The following AP2B1 variants were observed in gnomAD, a reference collection of about 807,000 sequenced individuals.
AP2B1 encodes adaptor related protein complex 2 subunit beta 1.
AP2B1 carries 23 observed loss-of-function variants against 102.0 expected under a neutral mutation model. That is an observed-to-expected ratio of 0.23 (90% CI 0.16 to 0.32). The LOEUF (loss-of-function observed/expected upper bound fraction) is 0.32. Ranked by LOEUF, AP2B1 falls within the 10% of genes least tolerant of loss-of-function variation. The pLI is 1.00. For missense variants in AP2B1, 541 were observed against 1,157.4 expected, an observed-to-expected ratio of 0.47 and a Z score of 7.73; for synonymous variants, 381 against 421.2, an observed-to-expected ratio of 0.90 and a Z score of 1.17.
At position 35,723,818 on chromosome 17, in the gene AP2B1, GTAACTAGTC is replaced by G. The variant is rs1320858267; in HGVS notation, c.*124_*132del. On this transcript the variant is annotated 3_prime_UTR_variant, in exon 22 of 22. Coordinates refer to ENST00000610402, the MANE Select transcript of AP2B1 (RefSeq NM_001030006.2). ...CACACTGAGGCCACCTAGCAAGGTA[GTAACTAGTC>G]TAACCTGTGCTAACATTAGGGCACA... is the stretch of plus-strand genomic sequence containing the variant. 2 of 724,912 alleles carry G rather than the reference GTAACTAGTC, an allele frequency of 2.8e-6. No individual in the cohort carries two copies. The highest frequency in any genetic ancestry group is 5.0e-5 in the East Asian group (2 of 40,192). The allele number at this position is 724,912 out of a possible 1,614,324, so 44.9% of individuals were successfully genotyped here. A position where few individuals can be genotyped will look rare whatever the true frequency, so the allele number is the denominator to read the frequency against.
intron 14 of AP2B1, among the ~76,000 whole-genome samples, chr17:35,662,653 A>T (rs921418834): frequency 2.7e-5 from 4 of 150,602 alleles, no homozygotes; most frequent in Admixed American, 6.6e-5. Flanking sequence ...AGGTGACCTG[A>T]TGCCCATGTG....
intron 3 of AP2B1, among the ~76,000 whole-genome samples, chr17:35,598,682 CATG>C (rs1456055634): frequency 2.0e-5 from 3 of 152,216 alleles, no homozygotes; most frequent in African/African-American, 7.2e-5. Flanking sequence ...CATAAGTTCA[CATG>C]ATCTTTAACT....
chr17:35,664,349 G>A (rs563110758), intron 14 of AP2B1, among the ~76,000 whole-genome samples: 1 of 152,268 alleles, frequency 6.6e-6, no homozygotes, highest in East Asian at 1.9e-4. Context: ...AAACTCCTGA[G>A]CTCAAGTGAT....
intron 15 of AP2B1, 127 bp from the exon 16 acceptor site, chr17:35,671,627 T>C: frequency 1.0e-6 from 1 of 967,686 alleles, no homozygotes; most frequent in South Asian, 1.6e-5. Flanking sequence ...ATTTGACTCC[T>C]AAGAATATTG....
chr17:35,660,707 C>A (rs762989503), intron 14 of AP2B1, among the ~76,000 whole-genome samples: 5 of 152,116 alleles, frequency 3.3e-5, no homozygotes, highest in Non-Finnish European at 5.9e-5. Context: ...TGGTCTCGAA[C>A]TCCTGAACTC....
chr17:35,614,717 A>G (rs1472122330), intron 5 of AP2B1, among the ~76,000 whole-genome samples: 2 of 151,846 alleles, frequency 1.3e-5, no homozygotes, highest in Middle Eastern at 3.2e-3. Context: ...CATAAGCAGC[A>G]TGCTCTCAGA....
chr17:35,609,478 C>A (rs1211613666), intron 5 of AP2B1, among the ~76,000 whole-genome samples: 2 of 151,998 alleles, frequency 1.3e-5, no homozygotes, highest in Admixed American at 1.3e-4. Context: ...TTTTGAGTAG[C>A]TGGGACTACA....
Position 35,587,398 on chromosome 17 carries a change from A to AC in AP2B1, c.-49dup. The AC allele has an allele frequency of 6.5e-6, 1 of 153,272 alleles. No homozygotes were observed. The highest frequency in any genetic ancestry group is 1.4e-5 in the Non-Finnish European group (1 of 68,972). The allele number at this position is 153,272 out of a possible 1,614,324, so 9.5% of individuals were successfully genotyped here. ...GCTGTGCTCTCCGGCTCCCGCCGCC[A>AC]CCCCCGCCCTCGCCTTCGCCTCCGC... is the stretch of plus-strand genomic sequence containing the variant. On this transcript the variant is annotated 5_prime_UTR_variant, in exon 1 of 22. Transcript: ENST00000610402.
chr17:35,665,136 T>C (rs1313789326), intron 14 of AP2B1, among the ~76,000 whole-genome samples: 1 of 148,984 alleles, frequency 6.7e-6, no homozygotes. Context: ...CTTTTTTTTT[T>C]TTTTTTTTGA....
chr17:35,658,344 CT>C (rs948840353), intron 14 of AP2B1, among the ~76,000 whole-genome samples: 1 of 129,814 alleles, frequency 7.7e-6, no homozygotes, highest in African/African-American at 2.9e-5. Context: ...TTGATTGGTT[CT>C]TTTTTTCCCT....
intron 9 of AP2B1, among the ~76,000 whole-genome samples, chr17:35,633,392 TG>T (rs2074518863): frequency 6.6e-6 from 1 of 151,280 alleles, no homozygotes; most frequent in African/African-American, 2.4e-5. Flanking sequence ...AATCATTTCA[TG>T]GTACAACAGA....
chr17:35,712,801 T>C (rs1598352162), intron 20 of AP2B1, among the ~76,000 whole-genome samples: 1 of 152,344 alleles, frequency 6.6e-6, no homozygotes, highest in East Asian at 1.9e-4. Flanking sequence ...CAGTGTTAAC[T>C]GAACTTATTT....
chr17:35,598,228 A>C lies in AP2B1; in HGVS notation c.38-2A>C. 1 of 1,607,534 alleles carries C rather than the reference A, an allele frequency of 6.2e-7. No homozygotes were observed. Among genetic ancestry groups the C allele is most frequent in the South Asian group, 1.1e-5 (1 of 90,836 alleles). ...TTACCAGTTTGCTCTCATCTCTTGC[A>C]GGAGAAATATTTGAACTAAAAGCTG... is the stretch of plus-strand genomic sequence containing the variant. On this transcript the variant is annotated splice_acceptor_variant, in intron 2 of 21. Coordinates refer to ENST00000610402, the MANE Select transcript of AP2B1 (RefSeq NM_001030006.2). LOFTEE classifies it high-confidence loss of function.
intron 5 of AP2B1, among the ~76,000 whole-genome samples, chr17:35,622,000 A>G (rs1182861712): frequency 6.6e-6 from 1 of 152,196 alleles, no homozygotes; most frequent in Admixed American, 6.5e-5. Flanking sequence ...TGATATTTTG[A>G]TTCTTTAGAC....
chr17:35,640,871 G>T (rs1212768155), intron 11 of AP2B1, among the ~76,000 whole-genome samples: 1 of 152,116 alleles, frequency 6.6e-6, no homozygotes, highest in Admixed American at 6.5e-5. Context: ...AGGGATTTTC[G>T]CTAGAGGCTG....
chr17:35,678,274 T>C (rs1333822498), intron 17 of AP2B1, among the ~76,000 whole-genome samples: 2 of 152,228 alleles, frequency 1.3e-5, no homozygotes, highest in Non-Finnish European at 2.9e-5. Context: ...TTTTTCTTTC[T>C]AGTGGCCTTT....
chr17:35,656,871 C>A (rs1002070068), intron 13 of AP2B1, among the ~76,000 whole-genome samples: 18 of 126,566 alleles, frequency 1.4e-4, no homozygotes, highest in African/African-American at 5.5e-4. Flanking sequence ...GGCGACAGAG[C>A]GAGACTCCGT....
At chr17:35,719,111 A>G (rs1405875513) in intron 21 of AP2B1, among the ~76,000 whole-genome samples, 3 of 152,202 alleles carry the variant, frequency 2.0e-5, no homozygotes, top group African/African-American at 7.2e-5. Context: ...TAGAGTTTCT[A>G]CATCTCTTTT....
At chr17:35,616,140 CTCTTTTTTTTTTT>C (rs2074006571) in intron 5 of AP2B1, among the ~76,000 whole-genome samples, 2 of 79,334 alleles carry the variant, frequency 2.5e-5, no homozygotes, top group Non-Finnish European at 2.6e-5. Context: ...TAAAAAATAT[CTCTTTTTTTTTTT>C]TTTTTTTTTT....
Sources: gnomAD v4.1 joint callset for allele counts (sites outside exome capture counted in the v4.1 genomes callset) on GRCh38, gnomAD v4.1.1 for gene constraint, MANE v1.5 for transcripts, NCBI Gene and HGNC (gene_info 2026-07-23, HGNC 2026-07-21) for gene names.